The following TTC27 variants were observed in gnomAD, a reference collection of about 807,000 sequenced individuals.
TTC27 encodes the protein tetratricopeptide repeat protein 27.
A neutral mutation model predicts 115.9 loss-of-function variants in TTC27; 79 were observed. The observed-to-expected ratio is 0.68, with a 90% confidence interval of 0.57 to 0.82. The LOEUF (loss-of-function observed/expected upper bound fraction) is 0.82, where lower values mean the gene tolerates loss of function less well. Ranked by LOEUF, TTC27 falls within the 40% of genes least tolerant of loss-of-function variation. The probability of loss-of-function intolerance (pLI) is 0.00; values close to 1 mark genes in which losing one functional copy is unlikely to be tolerated. For missense variants in TTC27, 1,054 were observed against 993.1 expected, an observed-to-expected ratio of 1.06 and a Z score of -0.82; for synonymous variants, 401 against 356.0, an observed-to-expected ratio of 1.13 and a Z score of -1.42.
chr2:32,652,456 A>C (rs1299525374), intron 5 of TTC27, among the ~76,000 whole-genome samples: 1 of 152,178 alleles, frequency 6.6e-6, no homozygotes, highest in Non-Finnish European at 1.5e-5. Flanking sequence ...ATTCTATTTT[A>C]TGAGTTAAAA....
rs146977809 is a variant in TTC27, at chr2:32,746,242, G to C, written c.1452+9426G>C. Among the ~76,000 whole-genome samples the C allele has an allele frequency of 6.2e-3, 947 of 151,986 alleles. 4 individuals carry two copies. Among genetic ancestry groups the C allele is most frequent in the Non-Finnish European group, 0.01 (685 of 67,986 alleles). ...TTTTATTATTTTTAATAGACATTTAGATATAAAGTTTCTTGCATCCTATAA... is the reference window on the plus strand; with the variant it reads ...TTTTATTATTTTTAATAGACATTTACATATAAAGTTTCTTGCATCCTATAA... On this transcript the variant is annotated intron_variant, in intron 12 of 19. Transcript: ENST00000317907.
intron 10 of TTC27, among the ~76,000 whole-genome samples, chr2:32,731,928 G>A (rs1346491057): frequency 6.6e-6 from 1 of 152,010 alleles, no homozygotes; most frequent in Non-Finnish European, 1.5e-5. Context: ...GCTAGTTTTA[G>A]TAACTATAGC....
intron 12 of TTC27, among the ~76,000 whole-genome samples, chr2:32,745,304 A>G (rs1197349903): frequency 1.3e-5 from 2 of 152,154 alleles, no homozygotes; most frequent in Non-Finnish European, 2.9e-5. Context: ...AGGACTTTTT[A>G]GCTCTCTCCC....
chr2:32,735,322 T>C (rs184934728), intron 11 of TTC27, among the ~76,000 whole-genome samples: 16 of 148,102 alleles, frequency 1.1e-4, no homozygotes, highest in African/African-American at 3.2e-4. Context: ...TTGACTCTGA[T>C]CTGTGAAATT....
At chr2:32,767,741 G>A (rs3862981) in intron 13 of TTC27, among the ~76,000 whole-genome samples, 24,729 of 151,982 alleles carry the variant, frequency 0.16, 2,431 homozygotes, top group South Asian at 0.34. Flanking sequence ...GATTACAGGC[G>A]TGAGCCACCG....
chr2:32,747,575 T>A (rs146360494), intron 12 of TTC27, among the ~76,000 whole-genome samples: 2,628 of 152,308 alleles, frequency 0.017, 41 homozygotes, highest in Non-Finnish European at 0.029. Flanking sequence ...ATTGTAAATT[T>A]AAAAAATTGT....
At chr2:32,777,481 G>T (rs1235099176) in intron 13 of TTC27, among the ~76,000 whole-genome samples, 1 of 152,094 alleles carries the variant, frequency 6.6e-6, no homozygotes, top group East Asian at 1.9e-4. Flanking sequence ...TATATAATTT[G>T]TATTGTTTAG....
chr2:32,739,386 G>A (rs1668551321), intron 12 of TTC27, among the ~76,000 whole-genome samples: 1 of 152,114 alleles, frequency 6.6e-6, no homozygotes, highest in South Asian at 2.1e-4. Context: ...GGAAAGATGA[G>A]ACTTTCCTTA....
intron 4 of TTC27, among the ~76,000 whole-genome samples, chr2:32,648,237 C>T (rs1438563299): frequency 1.3e-5 from 2 of 152,074 alleles, no homozygotes; most frequent in Non-Finnish European, 2.9e-5. Context: ...AAGTGATTCT[C>T]CTGCTTCAAC....
In TTC27 at chr2:32,651,537, G is replaced by A. The variant is rs531716155; in HGVS notation, c.640+1304G>A. Reference sequence around the variant, plus strand: ...AATTTTGTATTTTTAGTAGACATGGGGTTTCTCCATGTTGGTCAGGCTTGT... The same window carrying A: ...AATTTTGTATTTTTAGTAGACATGGAGTTTCTCCATGTTGGTCAGGCTTGT... On this transcript the variant is annotated intron_variant, in intron 5 of 19. Transcript: ENST00000317907. 6.6e-5 allele frequency among the ~76,000 whole-genome samples: 10 copies of A among 152,232 alleles called. No individual in the cohort carries two copies. In the South Asian group the frequency reaches 1.9e-3, roughly 28 times the overall value.
intron 7 of TTC27, among the ~76,000 whole-genome samples, chr2:32,667,123 A>T (rs140602979): frequency 6.6e-6 from 1 of 152,216 alleles, no homozygotes; most frequent in African/African-American, 2.4e-5. Context: ...ATCTGCTATC[A>T]TATTTGTTTC....
chr2:32,653,281 T>C (rs1300628462), intron 5 of TTC27, among the ~76,000 whole-genome samples: 1 of 152,102 alleles, frequency 6.6e-6, no homozygotes, highest in Non-Finnish European at 1.5e-5. Context: ...TGGGATTAGG[T>C]TGTTTCCACG....
At chr2:32,750,246 C>G (rs937235755) in intron 12 of TTC27, among the ~76,000 whole-genome samples, 5 of 152,144 alleles carry the variant, frequency 3.3e-5, no homozygotes, top group African/African-American at 1.2e-4. Flanking sequence ...TGTGAGTCCA[C>G]ACAGCAAATG....
intron 13 of TTC27, among the ~76,000 whole-genome samples, chr2:32,769,881 A>G (rs1669770733): frequency 6.6e-6 from 1 of 152,166 alleles, no homozygotes; most frequent in South Asian, 2.1e-4. Context: ...TTAAATGGAG[A>G]GAGGAGGCAT....
chr2:32,732,356 A>G (rs954864595), intron 10 of TTC27, among the ~76,000 whole-genome samples: 2 of 152,258 alleles, frequency 1.3e-5, no homozygotes, highest in Admixed American at 6.5e-5. Context: ...ACTGAATAAC[A>G]TCTTGGATTG....
intron 10 of TTC27, among the ~76,000 whole-genome samples, chr2:32,704,177 A>G (rs1357063516): frequency 2.0e-5 from 3 of 152,040 alleles, no homozygotes; most frequent in Non-Finnish European, 4.4e-5. Context: ...GTAATTAATG[A>G]AAGTGATTTT....
intron 6 of TTC27, among the ~76,000 whole-genome samples, chr2:32,665,938 T>C (rs1422781689): frequency 6.6e-6 from 1 of 152,090 alleles, no homozygotes; most frequent in East Asian, 1.9e-4. Flanking sequence ...TATCAAACAA[T>C]TTCAGTGGCT....
intron 16 of TTC27, among the ~76,000 whole-genome samples, chr2:32,791,003 C>G (rs375390610): frequency 6.6e-6 from 1 of 152,230 alleles, no homozygotes; most frequent in East Asian, 1.9e-4. Context: ...TGAAAAACAC[C>G]TTTGTCCTAA....
At chr2:32,746,562 T>TAAAAAAAA (rs1558322041) in intron 12 of TTC27, among the ~76,000 whole-genome samples, 1 of 638 alleles carries the variant, frequency 1.6e-3, no homozygotes, top group Admixed American at 0.019. Flanking sequence ...AAACTCCATC[T>TAAAAAAAA]CAAAAAAAAA....
Sources: gnomAD v4.1 joint callset for allele counts (sites outside exome capture counted in the v4.1 genomes callset) on GRCh38, gnomAD v4.1.1 for gene constraint, MANE v1.5 for transcripts, NCBI Gene and HGNC (gene_info 2026-07-23, HGNC 2026-07-21) for gene names.